CNTNAP2: variants seen among roughly 807,000 people sequenced by gnomAD.
The protein encoded by CNTNAP2 is contactin-associated protein-like 2.
CNTNAP2 carries 98 observed loss-of-function variants against 155.2 expected under a neutral mutation model. That is an observed-to-expected ratio of 0.63 (90% confidence interval 0.54 to 0.75). The LOEUF is 0.75. Among genes scored for constraint, CNTNAP2 ranks in the 30% least tolerant of loss-of-function variants. CNTNAP2 has a pLI of 0.00. For synonymous variants in CNTNAP2, 651 were observed against 631.2 expected (o/e 1.03, Z -0.47); for missense variants, 1,727 against 1,688.1 (o/e 1.02, Z -0.40).
intron 13 of CNTNAP2, among the ~76,000 whole-genome samples, chr7:147,718,570 A>G (rs1381891532): frequency 6.6e-6 from 1 of 152,158 alleles, no homozygotes; most frequent in Non-Finnish European, 1.5e-5. Context: ...TAGACATAGC[A>G]AGTTCAAAAA....
intron 10 of CNTNAP2, among the ~76,000 whole-genome samples, chr7:147,456,095 T>C (rs1287516346): frequency 6.6e-6 from 1 of 152,160 alleles, no homozygotes; most frequent in East Asian, 1.9e-4. Flanking sequence ...TATAGTTTTG[T>C]TTATATCTTC....
intron 8 of CNTNAP2, among the ~76,000 whole-genome samples, chr7:147,285,697 A>C (rs1237604544): frequency 6.6e-6 from 1 of 152,068 alleles, no homozygotes; most frequent in Non-Finnish European, 1.5e-5. Flanking sequence ...ATAAGAGGAC[A>C]GGAACTATGT....
At chr7:147,085,013 C>T (rs919573849) in intron 4 of CNTNAP2, among the ~76,000 whole-genome samples, 2 of 151,866 alleles carry the variant, frequency 1.3e-5, no homozygotes, top group African/African-American at 2.4e-5. Flanking sequence ...CTTATAAAAT[C>T]AGGCTTATTT....
rs73740817 is a variant in CNTNAP2 at position 146,719,518 on chromosome 7, G to C, written c.98-54753G>C. Among the ~76,000 whole-genome samples the C allele has an allele frequency of 7.9e-4, 120 of 152,210 alleles. 1 individual carries two copies. Among genetic ancestry groups the C allele is most frequent in the African/African-American group, 2.6e-3 (108 of 41,556 alleles). On this transcript the variant is annotated intron_variant, in intron 1 of 23. Coordinates refer to ENST00000361727, the MANE Select transcript of CNTNAP2 (RefSeq NM_014141.6). ...GATTTCTAGATTTTAATATATAACA[G>C]ACAAACCACTTCAGCAATTACTTTT...
intron 11 of CNTNAP2, among the ~76,000 whole-genome samples, chr7:147,526,486 G>C (rs895745524): frequency 6.6e-6 from 1 of 152,144 alleles, no homozygotes; most frequent in South Asian, 2.1e-4. Context: ...AAATCAGTGA[G>C]AAGTAGCATA....
chr7:146,163,477 ATATATCTATC>A lies in CNTNAP2; in HGVS notation c.97+46514_97+46523del, dbSNP rs1798257021. On this transcript the variant is annotated intron_variant, in intron 1 of 23. Coordinates refer to ENST00000361727, the MANE Select transcript of CNTNAP2 (RefSeq NM_014141.6). ...GAAATATCACATTATATATATCTAT[ATATATCTATC>A]TATATCTATATCTATATATCTATAT... Among the ~76,000 whole-genome samples the A allele has an allele frequency of 2.1e-5, 3 of 146,150 alleles. No individual in the cohort carries two copies. In the Admixed American group the frequency reaches 2.1e-4, roughly 10 times the overall value.
At chr7:147,906,911 A>G (rs1799966699) in intron 14 of CNTNAP2, among the ~76,000 whole-genome samples, 1 of 152,156 alleles carries the variant, frequency 6.6e-6, no homozygotes, top group Non-Finnish European at 1.5e-5. Flanking sequence ...AACATTTCAC[A>G]GTTACTCAGG....
intron 1 of CNTNAP2, among the ~76,000 whole-genome samples, chr7:146,466,161 T>C (rs945425717): frequency 2.6e-5 from 4 of 152,160 alleles, no homozygotes; most frequent in Admixed American, 2.6e-4. Context: ...GAAGCGATTC[T>C]TGAATACCAA....
At chr7:147,387,271 A>C (rs1796640164) in intron 9 of CNTNAP2, among the ~76,000 whole-genome samples, 1 of 152,150 alleles carries the variant, frequency 6.6e-6, no homozygotes, top group Non-Finnish European at 1.5e-5. Flanking sequence ...CCAGTCTCTA[A>C]CAATCATAAT....
At chr7:147,742,414 C>A (rs1411172953) in intron 13 of CNTNAP2, among the ~76,000 whole-genome samples, 5 of 152,182 alleles carry the variant, frequency 3.3e-5, no homozygotes, top group African/African-American at 9.6e-5. Context: ...ACTCTCCTAG[C>A]TGCTTGTTAA....
intron 1 of CNTNAP2, among the ~76,000 whole-genome samples, chr7:146,459,547 A>G (rs570431042): frequency 6.6e-6 from 1 of 152,328 alleles, no homozygotes; most frequent in South Asian, 2.1e-4. Context: ...AAGCCTATAA[A>G]GTGCATGGAG....
At chr7:148,174,615 G>T (rs1177607830) in intron 18 of CNTNAP2, among the ~76,000 whole-genome samples, 2 of 152,180 alleles carry the variant, frequency 1.3e-5, no homozygotes, top group Non-Finnish European at 2.9e-5. Context: ...ACCACACACA[G>T]CCGGACTACG....
chr7:146,737,014 G>T (rs1026387988), intron 1 of CNTNAP2, among the ~76,000 whole-genome samples: 1 of 151,926 alleles, frequency 6.6e-6, no homozygotes, highest in African/African-American at 2.4e-5. Context: ...TATTGTGAAA[G>T]GAATTAATCA....
chr7:147,340,123 T>C (rs1012483771), intron 9 of CNTNAP2, among the ~76,000 whole-genome samples: 1 of 152,178 alleles, frequency 6.6e-6, no homozygotes, highest in African/African-American at 2.4e-5. Context: ...ATAAAGATAC[T>C]ATCCAGTAGT....
intron 1 of CNTNAP2, among the ~76,000 whole-genome samples, chr7:146,580,865 T>A (rs1798601400): frequency 6.6e-6 from 1 of 152,070 alleles, no homozygotes. Flanking sequence ...AGTTAATAAA[T>A]GCTGAATAAA....
At chr7:146,849,746 T>C (rs950500939) in intron 3 of CNTNAP2, among the ~76,000 whole-genome samples, 2 of 152,208 alleles carry the variant, frequency 1.3e-5, no homozygotes, top group African/African-American at 4.8e-5. Flanking sequence ...CTTTCTCCTA[T>C]TTATCAGTAT....
chr7:146,573,852 C>T (rs1448622780), intron 1 of CNTNAP2, among the ~76,000 whole-genome samples: 1 of 152,078 alleles, frequency 6.6e-6, no homozygotes, highest in Non-Finnish European at 1.5e-5. Flanking sequence ...TAGGGTTTTT[C>T]TTATTTTGTT....
intron 1 of CNTNAP2, among the ~76,000 whole-genome samples, chr7:146,415,468 A>C (rs1795925588): frequency 2.6e-5 from 4 of 152,206 alleles, no homozygotes; most frequent in Admixed American, 2.6e-4. Flanking sequence ...AAAATAGTAC[A>C]GCTAGTAAAA....
chr7:147,447,995 T>A (rs1219656988), intron 10 of CNTNAP2, among the ~76,000 whole-genome samples: 1 of 152,076 alleles, frequency 6.6e-6, no homozygotes. Flanking sequence ...GCCCTCTCAA[T>A]TGGTTCATGA....
Sources: allele counts gnomAD v4.1 joint callset (sites outside exome capture counted in the v4.1 genomes callset), GRCh38; gene constraint gnomAD v4.1.1; transcripts MANE v1.5; gene names NCBI Gene and HGNC (gene_info 2026-07-23, HGNC 2026-07-21).